RPAP2: variants seen among roughly 807,000 people sequenced by gnomAD.
RPAP2 encodes the protein RNA polymerase II associated protein 2.
Under a neutral mutation model 73.1 loss-of-function variants are expected in RPAP2, and 52 were observed. The observed-to-expected ratio is 0.71, with a 90% CI of 0.57 to 0.90. The LOEUF (loss-of-function observed/expected upper bound fraction) is 0.90, where lower values mean the gene tolerates loss of function less well. RPAP2 is among the 40% of genes least tolerant of loss of function. RPAP2 has a pLI of 0.00. For missense variants in RPAP2, 598 were observed against 701.8 expected, an observed-to-expected ratio of 0.85 and a Z score of 1.67; for synonymous variants, 225 against 242.1, an observed-to-expected ratio of 0.93 and a Z score of 0.65.
chr1:92,321,463 T>C (rs1652255609), intron 7 of RPAP2, among the ~76,000 whole-genome samples: 1 of 150,658 alleles, frequency 6.6e-6, no homozygotes, highest in South Asian at 2.1e-4. Flanking sequence ...TTTCAACTTT[T>C]ATATATATAT....
intron 11 of RPAP2, among the ~76,000 whole-genome samples, chr1:92,375,898 G>A (rs987656945): frequency 1.3e-5 from 2 of 151,028 alleles, no homozygotes; most frequent in Non-Finnish European, 1.5e-5. Context: ...CACTCAGGAA[G>A]CAGAGGCCCA....
intron 7 of RPAP2, among the ~76,000 whole-genome samples, chr1:92,322,487 T>A (rs1448569337): frequency 6.6e-6 from 1 of 151,330 alleles, no homozygotes; most frequent in Non-Finnish European, 1.5e-5. Context: ...GAGGTTGCAG[T>A]GAACCGAGAT....
intron 3 of RPAP2, among the ~76,000 whole-genome samples, chr1:92,303,426 A>G (rs1181077785): frequency 6.6e-6 from 1 of 152,220 alleles, no homozygotes; most frequent in Non-Finnish European, 1.5e-5. Flanking sequence ...GAAGATGTCA[A>G]AGGAAAATAT....
rs762109433 is a variant in RPAP2 at position 92,307,180 on chromosome 1, C to A, written c.400-8C>A. Reference sequence around the variant, plus strand: ...AGAAAAAAACTAGATTTATAATGTTCTTTTCAGTCTTTTTGCAGCAATTTT... The same window carrying A: ...AGAAAAAAACTAGATTTATAATGTTATTTTCAGTCTTTTTGCAGCAATTTT... On this transcript the variant is annotated splice_region_variant and splice_polypyrimidine_tract_variant and intron_variant, in intron 5 of 12. Coordinates refer to ENST00000610020, the MANE Select transcript of RPAP2 (RefSeq NM_024813.3). 2 of 1,595,750 alleles carry A rather than the reference C, an allele frequency of 1.3e-6. No individual in the cohort carries two copies. Among genetic ancestry groups the A allele is most frequent in the East Asian group, 2.2e-5 (1 of 44,654 alleles).
chr1:92,329,517 A>C (rs184614648), intron 8 of RPAP2, among the ~76,000 whole-genome samples: 44 of 152,348 alleles, frequency 2.9e-4, no homozygotes, highest in South Asian at 6.2e-4. Context: ...GCCCCAGGCT[A>C]CAGGCCTCCC....
Position 92,345,907 on chromosome 1 carries a change from C to G in RPAP2, c.1681C>G (p.Leu561Val). Residue 561 changes from leucine to valine, a missense_variant, in exon 11 of 13, where the codon CTG (leucine) becomes GTG (valine). Around this residue, in one of 3 missense-constraint regions of RPAP2, gnomAD observed 506 missense variants for 612.8 expected, o/e 0.83. Coordinates refer to ENST00000610020, the MANE Select transcript of RPAP2 (RefSeq NM_024813.3). ...ATGGACTTTAATTGCTATGGTGTTGCTGTCATTGTAAGTACTCTCTCAGAT... is the reference window on the plus strand; with the variant it reads ...ATGGACTTTAATTGCTATGGTGTTGGTGTCATTGTAAGTACTCTCTCAGAT... Reference protein sequence around the residue: ...AEWTLIAMVLLSLLTPILGIQ... With the variant: ...AEWTLIAMVLVSLLTPILGIQ... 6.2e-7 allele frequency: 1 copy of G among 1,600,198 alleles called. No individual in the cohort carries two copies. Among genetic ancestry groups the G allele is most frequent in the South Asian group, 1.1e-5 (1 of 90,424 alleles).
intron 11 of RPAP2, among the ~76,000 whole-genome samples, chr1:92,379,614 C>T (rs763369008): frequency 5.9e-5 from 9 of 152,120 alleles, no homozygotes; most frequent in African/African-American, 1.4e-4. Context: ...CCTTACAAGA[C>T]GTAATTCATT....
At position 92,380,725 on chromosome 1, in the gene RPAP2, C is replaced by T. The variant is rs2101447413; in HGVS notation, c.1690C>T (p.Leu564=). The change falls in exon 12 of 13, where the codon CTG becomes TTG. Residue 564 remains leucine, a splice_region_variant and synonymous_variant. Coordinates refer to ENST00000610020, the MANE Select transcript of RPAP2 (RefSeq NM_024813.3). ...ATTTAGTATTTTTGGTTGTTTCAGA[C>T]TGACCCCAATTCTTGGCATTCAGAA... The part of the protein sequence containing the change: ...TLIAMVLLSL[L]TPILGIQKHS... 1 of 1,577,314 alleles carries T rather than the reference C, an allele frequency of 6.3e-7. No homozygotes were observed. The highest frequency in any genetic ancestry group is 2.3e-5 in the East Asian group (1 of 43,354).
At chr1:92,383,547 C>T (rs1156538024) in intron 12 of RPAP2, among the ~76,000 whole-genome samples, 22 of 152,190 alleles carry the variant, frequency 1.4e-4, no homozygotes, top group Non-Finnish European at 2.9e-4. Flanking sequence ...AATGGGAGTT[C>T]ACTCATGATT....
Position 92,391,500 on chromosome 1 carries a change from A to G in RPAP2, c.*4489A>G, listed in dbSNP as rs2101467611. On this transcript the variant is annotated 3_prime_UTR_variant, in exon 13 of 13. Coordinates refer to ENST00000610020, the MANE Select transcript of RPAP2 (RefSeq NM_024813.3). ...AGAGAAGCAAGACCAAACAAATTCAAAAGCTAGCAGAAGGCAAGAAATAAC... is the reference window on the plus strand; with the variant it reads ...AGAGAAGCAAGACCAAACAAATTCAGAAGCTAGCAGAAGGCAAGAAATAAC... 1 of 152,322 alleles carries G rather than the reference A, an allele frequency of 6.6e-6. No individual in the cohort carries two copies. Among genetic ancestry groups the G allele is most frequent in the Admixed American group, 6.5e-5 (1 of 15,296 alleles). The allele number at this position is 152,322 out of a possible 1,614,324, so 9.4% of individuals were successfully genotyped here. A position where few individuals can be genotyped will look rare whatever the true frequency, so the allele number is the denominator to read the frequency against.
chr1:92,366,753 A>G (rs963559246), intron 11 of RPAP2, among the ~76,000 whole-genome samples: 8 of 152,212 alleles, frequency 5.3e-5, no homozygotes, highest in Non-Finnish European at 8.8e-5. Flanking sequence ...AGTATATACC[A>G]GACTTTTTTT....
chr1:92,373,395 T>C (rs1655233781), intron 11 of RPAP2, among the ~76,000 whole-genome samples: 1 of 152,132 alleles, frequency 6.6e-6, no homozygotes, highest in South Asian at 2.1e-4. Context: ...TCTCTCCAGC[T>C]GGAAACTTTT....
chr1:92,390,654 C>G lies in RPAP2; in HGVS notation c.*3643C>G, dbSNP rs992831514. The G allele has an allele frequency of 2.0e-5, 3 of 152,156 alleles. No individual in the cohort carries two copies. Among genetic ancestry groups the G allele is most frequent in the African/African-American group, 4.8e-5 (2 of 41,424 alleles). The allele number at this position is 152,156 out of a possible 1,614,324, so 9.4% of individuals were successfully genotyped here. A position where few individuals can be genotyped will look rare whatever the true frequency, so the allele number is the denominator to read the frequency against. ...TGAGCTATATTCAGGAGACCCATCT[C>G]ATGTGCAAAGACACACATAGGCTCA... is the stretch of plus-strand genomic sequence containing the variant. On this transcript the variant is annotated 3_prime_UTR_variant, in exon 13 of 13. Coordinates refer to ENST00000610020, the MANE Select transcript of RPAP2 (RefSeq NM_024813.3).
intron 2 of RPAP2, 107 bp downstream of exon 2, chr1:92,300,346 T>C (rs1650736071): frequency 2.4e-6 from 2 of 835,096 alleles, no homozygotes; most frequent in South Asian, 1.6e-5. Context: ...GAGAAAATTA[T>C]CATGAGAGGG....
chr1:92,356,705 G>C (rs1446209831), intron 11 of RPAP2, among the ~76,000 whole-genome samples: 1 of 151,412 alleles, frequency 6.6e-6, no homozygotes, highest in African/African-American at 2.4e-5. Context: ...GAAGTGCTGG[G>C]ATTACAGGCA....
chr1:92,383,049 G>T (rs1023605152), intron 12 of RPAP2, among the ~76,000 whole-genome samples: 6 of 151,962 alleles, frequency 3.9e-5, no homozygotes, highest in Admixed American at 2.6e-4. Flanking sequence ...TTCTTGTTTT[G>T]GTCAGGTTTG....
chr1:92,319,697 CA>C (rs1340511155), intron 6 of RPAP2, among the ~76,000 whole-genome samples: 1 of 152,146 alleles, frequency 6.6e-6, no homozygotes, highest in Non-Finnish European at 1.5e-5. Context: ...CAGACTTAAA[CA>C]TATGAAAAGT....
intron 11 of RPAP2, among the ~76,000 whole-genome samples, chr1:92,371,337 T>TATAC (rs1216759947): frequency 2.0e-4 from 20 of 100,378 alleles, no homozygotes; most frequent in Admixed American, 3.2e-4. Context: ...TATATATATA[T>TATAC]ACCTACAGTA....
At chr1:92,314,104 C>T (rs1225099657) in intron 6 of RPAP2, among the ~76,000 whole-genome samples, 3 of 152,226 alleles carry the variant, frequency 2.0e-5, no homozygotes, top group Non-Finnish European at 4.4e-5. Flanking sequence ...TTTGTGTTCA[C>T]TGGACTAGCA....
Sources: gnomAD v4.1 joint callset for allele counts (sites outside exome capture counted in the v4.1 genomes callset) on GRCh38, gnomAD v4.1.1 for gene constraint, gnomAD v4.1.1 regional missense constraint, MANE v1.5 for transcripts, NCBI Gene and HGNC (gene_info 2026-07-23, HGNC 2026-07-21) for gene names.